Variants in DCDC1 observed in about 807,000 individuals in gnomAD.
DCDC1 encodes the protein doublecortin domain containing 1.
A neutral mutation model predicts 178.3 loss-of-function variants in DCDC1; 200 were observed. That is an observed-to-expected ratio of 1.12 (90% CI 1.00 to 1.26). The LOEUF (loss-of-function observed/expected upper bound fraction) is 1.26, where lower values mean the gene tolerates loss of function less well. DCDC1 is among the 50% of genes most tolerant of loss of function. The pLI is 0.00. For missense variants in DCDC1, 1,983 were observed against 1,749.2 expected (o/e 1.13, Z -2.38); for synonymous variants, 690 against 604.8 (o/e 1.14, Z -2.07).
At chr11:31,115,995 A>C (rs1296984235) in intron 11 of DCDC1, among the ~76,000 whole-genome samples, 3 of 34,864 alleles carry the variant, frequency 8.6e-5, no homozygotes, top group Non-Finnish European at 1.2e-4. Context: ...GGGGGGGGGG[A>C]TGGGTATCTC....
At chr11:31,223,505 T>C (rs1321640094) in intron 9 of DCDC1, among the ~76,000 whole-genome samples, 2 of 152,168 alleles carry the variant, frequency 1.3e-5, no homozygotes, top group African/African-American at 4.8e-5. Flanking sequence ...ATATATACCC[T>C]GGAGAAATTT....
chr11:30,892,976 C>A lies in DCDC1; in HGVS notation c.4924G>T (p.Glu1642Ter), dbSNP rs769773585. Residue 1642 changes from glutamate (E) to a stop codon, truncating the protein, a stop_gained, in exon 36 of 39, where the codon GAA (glutamate) becomes TAA (stop). Transcript: ENST00000684477. LOFTEE classifies it high-confidence loss of function. ...HTEAHLSEIQ[E>*]MESKINFPIA... ...GGAAAATTTATTTTGGATTCCATTT[C>A]TTGGATTTCAGAAAGGTGTGCCTGT... 2 of 1,613,766 alleles carry A rather than the reference C, an allele frequency of 1.2e-6. No homozygotes were observed. Among genetic ancestry groups the A allele is most frequent in the African/African-American group, 1.3e-5 (1 of 75,004 alleles).
In DCDC1 at chr11:31,210,431, G is replaced by A. The variant is rs574919118; in HGVS notation, c.1221+31019C>T. On this transcript the variant is annotated intron_variant, in intron 9 of 38. Transcript: ENST00000684477. Reference sequence around the variant, plus strand: ...CTTACTGTGGAGTTAAGAATGGACCGGCCGGGCACGGTGGCTCATGCCTGT... The same window carrying A: ...CTTACTGTGGAGTTAAGAATGGACCAGCCGGGCACGGTGGCTCATGCCTGT... Among the ~76,000 whole-genome samples, 34 of 152,216 alleles carry A rather than the reference G, an allele frequency of 2.2e-4. 1 individual carries two copies. In the South Asian group the frequency reaches 2.5e-3, roughly 11 times the overall value.
intron 20 of DCDC1, among the ~76,000 whole-genome samples, chr11:31,030,190 T>A (rs1457694559): frequency 6.6e-6 from 1 of 152,082 alleles, no homozygotes; most frequent in East Asian, 1.9e-4. Flanking sequence ...GGATTTCTTA[T>A]GGCTATTTAC....
At chr11:31,246,363 T>G (rs1388185009) in intron 8 of DCDC1, among the ~76,000 whole-genome samples, 1 of 152,056 alleles carries the variant, frequency 6.6e-6, no homozygotes, top group East Asian at 1.9e-4. Flanking sequence ...GGCAGCAAGC[T>G]GCAGATCCAG....
In DCDC1 at chr11:30,922,713, C is replaced by G. The variant is rs2134252808; in HGVS notation, c.2998-75G>C. On this transcript the variant is annotated intron_variant, in intron 23 of 38. Coordinates refer to ENST00000684477, the MANE Select transcript of DCDC1 (RefSeq NM_001387274.1). ...TATCTGTAATAATCTAAACTGGAAACAATTAAAAAAATCAAAATGTCCTAT... is the reference window on the plus strand; with the variant it reads ...TATCTGTAATAATCTAAACTGGAAAGAATTAAAAAAATCAAAATGTCCTAT... 4 of 1,361,358 alleles carry G rather than the reference C, an allele frequency of 2.9e-6. No individual in the cohort carries two copies. The East Asian group carries it at 9.2e-5, about 31-fold the overall frequency. The allele number at this position is 1,361,358 out of a possible 1,614,324, so 84.3% of individuals were successfully genotyped here. A position where few individuals can be genotyped will look rare whatever the true frequency, so the allele number is the denominator to read the frequency against.
intron 9 of DCDC1, among the ~76,000 whole-genome samples, chr11:31,139,034 G>A (rs1169303727): frequency 6.6e-6 from 1 of 151,880 alleles, no homozygotes; most frequent in Non-Finnish European, 1.5e-5. Flanking sequence ...TTATGGGGGT[G>A]GGGGGAGAAT....
chr11:31,324,105 T>G (rs1048804175), intron 3 of DCDC1, among the ~76,000 whole-genome samples: 1 of 152,116 alleles, frequency 6.6e-6, no homozygotes. Flanking sequence ...TAACAAATTT[T>G]TACTTGCAAC....
At chr11:30,978,826 A>ACACACACC (rs1950242092) in intron 20 of DCDC1, among the ~76,000 whole-genome samples, 2 of 122,438 alleles carry the variant, frequency 1.6e-5, no homozygotes, top group African/African-American at 3.1e-5. Flanking sequence ...ACACACACAC[A>ACACACACC]CCCCCTTCTC....
chr11:31,274,102 A>T (rs1177199887), intron 7 of DCDC1, among the ~76,000 whole-genome samples: 1 of 152,184 alleles, frequency 6.6e-6, no homozygotes, highest in Non-Finnish European at 1.5e-5. Flanking sequence ...ATCCTGAGAT[A>T]CAAGAATCCA....
chr11:31,362,686 G>A (rs593837), intron 1 of DCDC1, among the ~76,000 whole-genome samples: 58,854 of 152,002 alleles, frequency 0.39, 11,811 homozygotes, highest in African/African-American at 0.47. Flanking sequence ...TAGAGTCATG[G>A]TGCTTCTACA....
At chr11:30,868,825 C>T (rs1941268232) in intron 38 of DCDC1, among the ~76,000 whole-genome samples, 1 of 152,182 alleles carries the variant, frequency 6.6e-6, no homozygotes, top group African/African-American at 2.4e-5. Context: ...CTATAACACC[C>T]CAGGCCAAAG....
intron 10 of DCDC1, among the ~76,000 whole-genome samples, chr11:31,127,931 T>A (rs1055130496): frequency 1.3e-5 from 2 of 152,126 alleles, no homozygotes; most frequent in Non-Finnish European, 2.9e-5. Context: ...ATTTGACAAG[T>A]TTGCAAAGGA....
At chr11:31,341,179 C>G (rs1445309390) in intron 1 of DCDC1, among the ~76,000 whole-genome samples, 6 of 152,100 alleles carry the variant, frequency 3.9e-5, no homozygotes, top group Non-Finnish European at 5.9e-5. Context: ...GAAGAAAGAA[C>G]TTGGCTAAGT....
chr11:30,886,438 G>T (rs901614883), intron 36 of DCDC1, among the ~76,000 whole-genome samples: 19 of 152,264 alleles, frequency 1.2e-4, no homozygotes, highest in Admixed American at 5.9e-4. Flanking sequence ...TAAACAATGA[G>T]AATTTATTTC....
At chr11:31,330,299 C>T (rs1356326334) in intron 2 of DCDC1, among the ~76,000 whole-genome samples, 2 of 151,932 alleles carry the variant, frequency 1.3e-5, no homozygotes, top group African/African-American at 4.8e-5. Context: ...GGATATAAGC[C>T]CTTTGTCAGA....
At chr11:31,166,992 C>T (rs1452696914) in intron 9 of DCDC1, among the ~76,000 whole-genome samples, 1 of 152,158 alleles carries the variant, frequency 6.6e-6, no homozygotes, top group Non-Finnish European at 1.5e-5. Flanking sequence ...AATTGTCTCC[C>T]TCCAGACTTC....
chr11:31,174,483 G>A (rs930627976), intron 9 of DCDC1, among the ~76,000 whole-genome samples: 2 of 152,194 alleles, frequency 1.3e-5, no homozygotes, highest in Admixed American at 1.3e-4. Context: ...AGCATGAACA[G>A]TATGGGAACC....
At chr11:31,010,509 A>G (rs950374147) in intron 20 of DCDC1, among the ~76,000 whole-genome samples, 1 of 152,250 alleles carries the variant, frequency 6.6e-6, no homozygotes, top group Admixed American at 6.5e-5. Context: ...AGAGCCTCAA[A>G]TAATGTTATG....
Sources: allele counts gnomAD v4.1 joint callset (sites outside exome capture counted in the v4.1 genomes callset), GRCh38; gene constraint gnomAD v4.1.1; transcripts MANE v1.5; gene names NCBI Gene and HGNC (gene_info 2026-07-23, HGNC 2026-07-21).